EPHA6: variants seen among roughly 807,000 people sequenced by gnomAD.
EPHA6 encodes EPH receptor A6.
In EPHA6, 50 loss-of-function variants were observed where a neutral mutation model predicts 112.0. The ratio of observed to expected loss-of-function variants is 0.45; its 90% CI spans 0.36 to 0.56. The LOEUF (loss-of-function observed/expected upper bound fraction) is 0.56, where lower values mean the gene tolerates loss of function less well. Among genes scored for constraint, EPHA6 ranks in the 20% least tolerant of loss-of-function variants. The pLI is 0.00. For synonymous variants in EPHA6, 529 were observed against 490.7 expected (o/e 1.08, Z -1.03); for missense variants, 1,280 against 1,417.4 (o/e 0.90, Z 1.56).
intron 5 of EPHA6, among the ~76,000 whole-genome samples, chr3:97,255,400 A>AT (rs1486079085): frequency 6.6e-6 from 1 of 152,172 alleles, no homozygotes; most frequent in Non-Finnish European, 1.5e-5. Context: ...ACTATCCCAA[A>AT]TAATGTGCAG....
At chr3:97,547,767 G>T (rs1179038246) in intron 11 of EPHA6, among the ~76,000 whole-genome samples, 3 of 152,142 alleles carry the variant, frequency 2.0e-5, no homozygotes, top group African/African-American at 7.2e-5. Context: ...CTCAGCAATG[G>T]TGGCGCCCCT....
chr3:97,255,069 G>T (rs1213126366), intron 5 of EPHA6, among the ~76,000 whole-genome samples: 1 of 151,864 alleles, frequency 6.6e-6, no homozygotes, highest in Non-Finnish European at 1.5e-5. Context: ...CTTCATGAAT[G>T]TTCACAAATC....
intron 5 of EPHA6, among the ~76,000 whole-genome samples, chr3:97,337,657 C>T (rs1577019996): frequency 6.6e-6 from 1 of 152,070 alleles, no homozygotes; most frequent in East Asian, 1.9e-4. Context: ...AAGGAGGAAA[C>T]TTTAGGGATG....
chr3:97,515,455 A>G (rs2092432797), intron 10 of EPHA6, among the ~76,000 whole-genome samples: 1 of 152,220 alleles, frequency 6.6e-6, no homozygotes. Context: ...AATTTTTTTT[A>G]TTACATTTGA....
intron 2 of EPHA6, among the ~76,000 whole-genome samples, chr3:96,922,100 A>G (rs2107631708): frequency 6.6e-6 from 1 of 152,332 alleles, no homozygotes; most frequent in South Asian, 2.1e-4. Flanking sequence ...AAGCCTTTTA[A>G]GAAAAATATT....
At chr3:97,624,196 A>G (rs59408432) in intron 13 of EPHA6, among the ~76,000 whole-genome samples, 102 of 151,776 alleles carry the variant, frequency 6.7e-4, no homozygotes, top group African/African-American at 2.4e-3. Flanking sequence ...AGCTTTTATT[A>G]TGTCAAAGTA....
In EPHA6 at chr3:96,880,336, C is replaced by A. The variant is rs566758577; in HGVS notation, c.450+13447C>A. Among the ~76,000 whole-genome samples the A allele has an allele frequency of 3.3e-5, 5 of 151,810 alleles. No individual in the cohort carries two copies. In the South Asian group the frequency reaches 1.0e-3, roughly 32 times the overall value. On this transcript the variant is annotated intron_variant, in intron 2 of 17. Transcript: ENST00000389672. ...CACAAATACTTAAAGTATCACAAATCTAAGAAAAGATGTGCGAGAACATTG... is the reference window on the plus strand; with the variant it reads ...CACAAATACTTAAAGTATCACAAATATAAGAAAAGATGTGCGAGAACATTG...
chr3:96,873,169 G>A (rs1198407186), intron 2 of EPHA6, among the ~76,000 whole-genome samples: 2 of 151,962 alleles, frequency 1.3e-5, no homozygotes, highest in African/African-American at 4.8e-5. Flanking sequence ...GGAGGCTGAG[G>A]CTGGAGAATC....
intron 14 of EPHA6, among the ~76,000 whole-genome samples, chr3:97,642,633 C>T (rs553839872): frequency 5.3e-5 from 8 of 151,854 alleles, no homozygotes; most frequent in South Asian, 2.1e-4. Context: ...TCGAGAACTA[C>T]GTGAAGAATG....
At chr3:97,481,100 GACACTTTGGGAGGCCAA>G (rs1560053564) in intron 9 of EPHA6, 1 of 533,914 alleles carries the variant, frequency 1.9e-6, no homozygotes. Context: ...CTGCAATCTC[GACACTTTGGGAGGCCAA>G]GGCAGGTGGC....
At chr3:97,025,079 T>C (rs904336191) in intron 3 of EPHA6, among the ~76,000 whole-genome samples, 1 of 152,282 alleles carries the variant, frequency 6.6e-6, no homozygotes, top group East Asian at 1.9e-4. Context: ...AAGCTCAGTT[T>C]TGCCACTCAC....
chr3:97,348,764 C>T (rs372357902), intron 5 of EPHA6, among the ~76,000 whole-genome samples: 1 of 151,908 alleles, frequency 6.6e-6, no homozygotes, highest in East Asian at 1.9e-4. Flanking sequence ...CAAGGTAGGT[C>T]ATGGGGCAGG....
chr3:97,703,550 A>AC (rs2033514568), intron 14 of EPHA6, among the ~76,000 whole-genome samples: 2 of 152,172 alleles, frequency 1.3e-5, no homozygotes, highest in African/African-American at 4.8e-5. Flanking sequence ...ACATCATATA[A>AC]AGTTTTCCAG....
At chr3:97,227,055 T>C (rs2078378298) in intron 4 of EPHA6, among the ~76,000 whole-genome samples, 3 of 152,184 alleles carry the variant, frequency 2.0e-5, no homozygotes, top group Non-Finnish European at 2.9e-5. Context: ...TATTAAAATA[T>C]TGTAAAATAT....
In EPHA6 at chr3:97,475,376, G is replaced by C; in HGVS notation, c.1919G>C (p.Gly640Ala). The change falls in exon 8 of 18, where the codon GGA becomes GCA. Residue 640 changes from glycine (G) to alanine (A), a missense_variant. Transcript: ENST00000389672. Reference sequence around the variant, plus strand: ...GCTTCTGACATGGCAGCAGAACAAGGACAGATTCTCGTGATAGCCACCGCC... The same window carrying C: ...GCTTCTGACATGGCAGCAGAACAAGCACAGATTCTCGTGATAGCCACCGCC... ...DETSDMAAEQ[G>A]QILVIATAAV... 1 of 1,611,712 alleles carries C rather than the reference G, an allele frequency of 6.2e-7. No individual in the cohort carries two copies. The highest frequency in any genetic ancestry group is 8.5e-7 in the Non-Finnish European group (1 of 1,178,770).
intron 2 of EPHA6, among the ~76,000 whole-genome samples, chr3:96,959,390 A>G (rs2041879095): frequency 6.6e-6 from 1 of 152,130 alleles, no homozygotes; most frequent in Admixed American, 6.6e-5. Context: ...CAGAATACTT[A>G]TATATTCTGG....
intron 5 of EPHA6, among the ~76,000 whole-genome samples, chr3:97,355,807 A>G (rs1250322548): frequency 6.6e-6 from 1 of 152,220 alleles, no homozygotes; most frequent in African/African-American, 2.4e-5. Flanking sequence ...GCCTATAAAG[A>G]TACACATAGA....
intron 9 of EPHA6, among the ~76,000 whole-genome samples, chr3:97,482,608 A>C (rs1189298668): frequency 6.6e-6 from 1 of 152,236 alleles, no homozygotes; most frequent in Non-Finnish European, 1.5e-5. Context: ...GGCAATGGGC[A>C]TAGAAGGACT....
At chr3:97,436,385 T>C (rs901510549) in intron 6 of EPHA6, among the ~76,000 whole-genome samples, 1 of 152,032 alleles carries the variant, frequency 6.6e-6, no homozygotes, top group African/African-American at 2.4e-5. Flanking sequence ...CAATTAAGGC[T>C]CACAAACAAA....
Sources: gnomAD v4.1 joint callset for allele counts (sites outside exome capture counted in the v4.1 genomes callset) on GRCh38, gnomAD v4.1.1 for gene constraint, MANE v1.5 for transcripts, NCBI Gene and HGNC (gene_info 2026-07-23, HGNC 2026-07-21) for gene names.